TCP11L2: variants seen among roughly 807,000 people sequenced by gnomAD.
The protein encoded by TCP11L2 is T-complex protein 11-like protein 2.
TCP11L2 carries 39 observed loss-of-function variants against 50.7 expected under a neutral mutation model. The observed-to-expected ratio is 0.77, with a 90% CI of 0.60 to 1.01. The LOEUF (loss-of-function observed/expected upper bound fraction) is 1.01, where lower values mean the gene tolerates loss of function less well. TCP11L2 is among the 50% of genes least tolerant of loss of function. The pLI, the probability that TCP11L2 is intolerant of heterozygous loss-of-function variation, is 0.00. For synonymous variants in TCP11L2, 192 were observed against 219.3 expected, an observed-to-expected ratio of 0.88 and a Z score of 1.10; for missense variants, 612 against 614.7, an observed-to-expected ratio of 1.00 and a Z score of 0.05.
At chr12:106,325,870 G>C (rs1366973429) in intron 6 of TCP11L2, 2 of 146,392 alleles carry the variant, frequency 1.4e-5, no homozygotes, top group Non-Finnish European at 3.0e-5. Context: ...CAGCCTGGGG[G>C]GCTGAGCAAG....
intron 7 of TCP11L2, 80 bp downstream of exon 7, chr12:106,335,906 T>C (rs2035901703): frequency 6.5e-7 from 1 of 1,539,602 alleles, no homozygotes; most frequent in Admixed American, 2.0e-5. Context: ...GGTCTGTGTT[T>C]CATGTGGTTT....
At chr12:106,318,946 C>A (rs2136684434) in intron 4 of TCP11L2, among the ~76,000 whole-genome samples, 1 of 151,536 alleles carries the variant, frequency 6.6e-6, no homozygotes, top group South Asian at 2.1e-4. Context: ...ACTCTGTCGC[C>A]CAGGCCGGAC....
rs2035681423 is a variant in TCP11L2, at chr12:106,329,719, A to G, written c.773-5920A>G. On this transcript the variant is annotated intron_variant, in intron 6 of 9. Coordinates refer to ENST00000299045, the MANE Select transcript of TCP11L2 (RefSeq NM_152772.3). ...ATGGGCTCTTAAATGTGTCAGCTGT[A>G]AATGATTAAACTTGCAGTATAAATG... The G allele has an allele frequency of 3.7e-6, 4 of 1,071,758 alleles. No homozygotes were observed. The East Asian group carries it at 2.6e-4, about 71-fold the overall frequency. 66.4% of individuals were successfully genotyped at this position (1,071,758 alleles called of 1,614,324 possible).
chr12:106,305,407 T>C (rs1438265752), intron 1 of TCP11L2, among the ~76,000 whole-genome samples: 2 of 152,148 alleles, frequency 1.3e-5, no homozygotes, highest in Non-Finnish European at 2.9e-5. Flanking sequence ...TAGTTTGAAT[T>C]TTTGGTGCCT....
chr12:106,323,405 C>A, intron 5 of TCP11L2, 105 bp from the exon 6 acceptor site: 1 of 1,042,698 alleles, frequency 9.6e-7, no homozygotes, highest in South Asian at 2.1e-5. Context: ...ACTTTAAAAC[C>A]ATTTTGGGGA....
intron 8 of TCP11L2, among the ~76,000 whole-genome samples, chr12:106,338,751 C>T (rs1018732333): frequency 6.6e-6 from 1 of 152,246 alleles, no homozygotes; most frequent in African/African-American, 2.4e-5. Flanking sequence ...CTGCTTTCCA[C>T]AGTGGCTGAA....
At chr12:106,330,397 A>G (rs1024606394) in intron 6 of TCP11L2, 18 of 813,722 alleles carry the variant, frequency 2.2e-5, no homozygotes, top group South Asian at 5.6e-5. Context: ...ACATTTGGCC[A>G]TGTCTGGAGA....
At position 106,338,774 on chromosome 12, in the gene TCP11L2, C is replaced by T. The variant is rs565818505; in HGVS notation, c.1143-2052C>T. On this transcript the variant is annotated intron_variant, in intron 8 of 9. Transcript: ENST00000299045. ...CACAGTGGCTGAACTAATTTACATT[C>T]CCACCAGCAGTGTATAAGTGCTCTC... Among the ~76,000 whole-genome samples, 3 of 152,320 alleles carry T rather than the reference C, an allele frequency of 2.0e-5. No individual in the cohort carries two copies. In the East Asian group the frequency reaches 5.8e-4, roughly 29 times the overall value.
chr12:106,323,370 A>G (rs2035410771), intron 5 of TCP11L2, 140 bp from the exon 6 acceptor site: 5 of 606,084 alleles, frequency 8.2e-6, no homozygotes, highest in Non-Finnish European at 1.3e-5. Flanking sequence ...TCTATGAAAC[A>G]TGACCCTACC....
At chr12:106,304,738 C>G (rs768299285) in intron 1 of TCP11L2, among the ~76,000 whole-genome samples, 2 of 152,178 alleles carry the variant, frequency 1.3e-5, no homozygotes, top group Non-Finnish European at 2.9e-5. Flanking sequence ...TTCCTCAAGG[C>G]CCTGCTGGGT....
chr12:106,323,727 A>G, intron 6 of TCP11L2, 81 bp downstream of exon 6: 1 of 457,426 alleles, frequency 2.2e-6, no homozygotes, highest in Non-Finnish European at 3.2e-6. Context: ...ATTAAATTAA[A>G]TTAAATTAAA....
intron 3 of TCP11L2, among the ~76,000 whole-genome samples, chr12:106,314,814 G>C (rs75277838): frequency 0.036 from 5,502 of 151,792 alleles, 354 homozygotes; most frequent in African/African-American, 0.12. Context: ...GGCCTGGGCA[G>C]CAAAGCAAGA....
At chr12:106,337,003 C>T (rs945647309) in intron 8 of TCP11L2, among the ~76,000 whole-genome samples, 1 of 152,208 alleles carries the variant, frequency 6.6e-6, no homozygotes, top group African/African-American at 2.4e-5. Context: ...TCCAGTATTA[C>T]ACCTTCATGA....
intron 8 of TCP11L2, among the ~76,000 whole-genome samples, chr12:106,338,728 AG>A (rs1346155395): frequency 6.6e-6 from 1 of 152,260 alleles, no homozygotes; most frequent in Non-Finnish European, 1.5e-5. Flanking sequence ...AAGTTATTTT[AG>A]AAATCTCCAA....
intron 3 of TCP11L2, among the ~76,000 whole-genome samples, chr12:106,315,110 C>T (rs948538293): frequency 3.3e-5 from 5 of 151,900 alleles, no homozygotes; most frequent in Non-Finnish European, 5.9e-5. Context: ...TGGTGGGGCG[C>T]GTGTAATCCC....
chr12:106,331,287 G>C (rs556678073), intron 6 of TCP11L2, among the ~76,000 whole-genome samples: 1 of 152,080 alleles, frequency 6.6e-6, no homozygotes, highest in East Asian at 1.9e-4. Context: ...CTGAGATTCT[G>C]CTCCCTCAAG....
intron 1 of TCP11L2, among the ~76,000 whole-genome samples, chr12:106,308,629 T>G (rs1281722491): frequency 2.0e-5 from 3 of 152,214 alleles, no homozygotes; most frequent in Admixed American, 2.0e-4. Flanking sequence ...GGGGAATAAC[T>G]GGGGGAAAAA....
chr12:106,314,615 T>C (rs1041993885), intron 3 of TCP11L2, 122 bp downstream of exon 3: 21 of 793,190 alleles, frequency 2.6e-5, no homozygotes, highest in Admixed American at 1.6e-4. Context: ...GAGAGAGAGA[T>C]AGACACATAT....
At chr12:106,313,591 A>AAATAAAT (rs1282526074) in intron 2 of TCP11L2, among the ~76,000 whole-genome samples, 4 of 149,082 alleles carry the variant, frequency 2.7e-5, no homozygotes, top group African/African-American at 9.9e-5. Flanking sequence ...AAAAATAAAT[A>AAATAAAT]AATAAATAAA....
Sources: allele counts gnomAD v4.1 joint callset (sites outside exome capture counted in the v4.1 genomes callset), GRCh38; gene constraint gnomAD v4.1.1; transcripts MANE v1.5; gene names NCBI Gene and HGNC (gene_info 2026-07-23, HGNC 2026-07-21).